The following SYCP1 variants were observed in gnomAD, a reference collection of about 807,000 sequenced individuals.
SYCP1 encodes the protein synaptonemal complex protein 1, also known as cancer/testis antigen 8.
Under a neutral mutation model 153.1 loss-of-function variants are expected in SYCP1, and 64 were observed. The observed-to-expected ratio is 0.42, with a 90% CI of 0.34 to 0.51. The LOEUF (loss-of-function observed/expected upper bound fraction) is 0.51. Ranked by LOEUF, SYCP1 falls within the 20% of genes least tolerant of loss-of-function variation. SYCP1 has a pLI of 0.06. For missense variants in SYCP1, 997 were observed against 1,049.0 expected, an observed-to-expected ratio of 0.95 and a Z score of 0.68; for synonymous variants, 384 against 341.8, an observed-to-expected ratio of 1.12 and a Z score of -1.36.
chr1:114,875,293 C>G (rs1051453615), intron 9 of SYCP1, among the ~76,000 whole-genome samples: 1 of 139,978 alleles, frequency 7.1e-6, no homozygotes, highest in Non-Finnish European at 1.5e-5. Context: ...GACAGTCTGG[C>G]TCTGTCGCCC....
chr1:114,919,359 G>T (rs574603814), intron 20 of SYCP1, among the ~76,000 whole-genome samples: 2 of 152,010 alleles, frequency 1.3e-5, no homozygotes, highest in African/African-American at 2.4e-5. Context: ...AATCTCACTT[G>T]GTTATGATTA....
intron 8 of SYCP1, among the ~76,000 whole-genome samples, chr1:114,872,327 G>A (rs1318162105): frequency 6.6e-6 from 1 of 152,150 alleles, no homozygotes; most frequent in African/African-American, 2.4e-5. Flanking sequence ...ACAGAATTCT[G>A]TGTTGCTGGT....
chr1:114,988,032 T>A (rs1231467836), intron 30 of SYCP1, among the ~76,000 whole-genome samples: 2 of 141,760 alleles, frequency 1.4e-5, no homozygotes, highest in Admixed American at 1.5e-4. Context: ...AAAAAAGAAT[T>A]GGTGAACGTA....
At position 114,855,540 on chromosome 1, in the gene SYCP1, C is replaced by A; in HGVS notation, c.76C>A (p.Gln26Lys). 4 of 1,610,120 alleles carry A rather than the reference C, an allele frequency of 2.5e-6. No homozygotes were observed. Among genetic ancestry groups the A allele is most frequent in the East Asian group, 2.2e-5 (1 of 44,662 alleles). ...CAGTCAGGTGTCTGCGGTGAAACCT[C>A]AGACCCTGGGAGGCGATTCCACTTT... Reference protein sequence around the residue: ...SSSQVSAVKPQTLGGDSTFFK... With the variant: ...SSSQVSAVKPKTLGGDSTFFK... The change falls in exon 2 of 32, where the codon CAG becomes AAG. Residue 26 changes from glutamine (Q) to lysine (K), a missense_variant. By Grantham distance (53) the Gln-to-Lys change is moderately conservative. Around this residue, in one of 2 missense-constraint regions of SYCP1, gnomAD observed 285 missense variants for 366.1 expected, o/e 0.78. Coordinates refer to ENST00000369522, the MANE Select transcript of SYCP1 (RefSeq NM_003176.4).
chr1:114,949,943 A>C (rs1485337892), intron 27 of SYCP1, among the ~76,000 whole-genome samples: 1 of 152,222 alleles, frequency 6.6e-6, no homozygotes, highest in Non-Finnish European at 1.5e-5. Flanking sequence ...ATATAAACAC[A>C]AACATGTGCA....
At chr1:114,862,352 G>GTT (rs67029711) in intron 8 of SYCP1, among the ~76,000 whole-genome samples, 1 of 140,340 alleles carries the variant, frequency 7.1e-6, no homozygotes, top group African/African-American at 2.6e-5. Context: ...TTTGTTCTTT[G>GTT]TTTTTTTTTT....
chr1:114,860,162 A>G (rs1371193629), intron 7 of SYCP1, among the ~76,000 whole-genome samples: 1 of 152,160 alleles, frequency 6.6e-6, no homozygotes, highest in Non-Finnish European at 1.5e-5. Flanking sequence ...ACTTAGTTCC[A>G]AGTTAATTCT....
At chr1:114,901,872 C>T (rs1667470062) in intron 16 of SYCP1, among the ~76,000 whole-genome samples, 1 of 152,216 alleles carries the variant, frequency 6.6e-6, no homozygotes. Context: ...AAGGATGAGA[C>T]AGCTTAGATG....
Position 114,994,792 on chromosome 1 carries a change from C to A in SYCP1, c.2793+5C>A. 6.3e-7 allele frequency: 1 copy of A among 1,583,918 alleles called. No individual in the cohort carries two copies. The highest frequency in any genetic ancestry group is 8.5e-7 in the Non-Finnish European group (1 of 1,170,702). On this transcript the variant is annotated splice_donor_5th_base_variant and intron_variant, in intron 31 of 31. Transcript: ENST00000369522. ...TGTGTCAAAACACCAAAAAAGGTAG[C>A]TTTTAAATTTTATTTCAGAAAGCAA...
chr1:114,941,143 C>CCTCCATATAT (rs972847255), intron 23 of SYCP1, among the ~76,000 whole-genome samples: 1 of 151,796 alleles, frequency 6.6e-6, no homozygotes, highest in Non-Finnish European at 1.5e-5. Flanking sequence ...AGAAGTTGGC[C>CCTCCATATAT]CTCCATATAT....
chr1:114,922,207 G>T (rs1273254730), intron 20 of SYCP1, among the ~76,000 whole-genome samples: 1 of 151,998 alleles, frequency 6.6e-6, no homozygotes, highest in African/African-American at 2.4e-5. Context: ...TTATCCCCTT[G>T]AATCAACTTT....
At chr1:114,856,731 T>C in intron 3 of SYCP1, 74 bp downstream of exon 3, 2 of 1,116,190 alleles carry the variant, frequency 1.8e-6, no homozygotes, top group African/African-American at 1.6e-5. Flanking sequence ...TTATTGAAAA[T>C]GTAACATAAG....
intron 27 of SYCP1, among the ~76,000 whole-genome samples, chr1:114,973,191 G>A (rs897975149): frequency 2.0e-5 from 3 of 152,056 alleles, no homozygotes; most frequent in African/African-American, 7.2e-5. Context: ...AAATTTACCT[G>A]GTGCTCTTAG....
chr1:114,984,895 T>C (rs1429745437), intron 30 of SYCP1, 27 bp downstream of exon 30: 2 of 1,086,272 alleles, frequency 1.8e-6, no homozygotes, highest in Non-Finnish European at 2.4e-6. Context: ...TAATATTTAG[T>C]ATTTATTTAT....
chr1:114,987,650 G>A (rs11800954), intron 30 of SYCP1, among the ~76,000 whole-genome samples: 4,753 of 152,088 alleles, frequency 0.031, 124 homozygotes, highest in Non-Finnish European at 0.042. Flanking sequence ...AGGTGACAGA[G>A]TGAGACCTTG....
chr1:114,905,565 A>G (rs1439566796), intron 16 of SYCP1, among the ~76,000 whole-genome samples: 1 of 152,240 alleles, frequency 6.6e-6, no homozygotes, highest in Admixed American at 6.5e-5. Context: ...AGAAGCCAAC[A>G]TGGTAGATTA....
chr1:114,937,535 A>G (rs1253062678), intron 23 of SYCP1, among the ~76,000 whole-genome samples: 4 of 152,194 alleles, frequency 2.6e-5, no homozygotes, highest in Non-Finnish European at 5.9e-5. Flanking sequence ...AAAAGCCAAA[A>G]TTGACAAATG....
At chr1:114,891,356 T>C (rs1036403383) in intron 15 of SYCP1, among the ~76,000 whole-genome samples, 1 of 152,212 alleles carries the variant, frequency 6.6e-6, no homozygotes, top group African/African-American at 2.4e-5. Context: ...GATAGCCACC[T>C]TTTGCTCATT....
At chr1:114,940,754 G>C (rs1670332081) in intron 23 of SYCP1, among the ~76,000 whole-genome samples, 1 of 151,896 alleles carries the variant, frequency 6.6e-6, no homozygotes, top group Non-Finnish European at 1.5e-5. Flanking sequence ...TATAGTTGTT[G>C]GGTGTTTCCT....
Sources: gnomAD v4.1 joint callset for allele counts (sites outside exome capture counted in the v4.1 genomes callset) on GRCh38, gnomAD v4.1.1 for gene constraint, gnomAD v4.1.1 regional missense constraint, MANE v1.5 for transcripts, NCBI Gene and HGNC (gene_info 2026-07-23, HGNC 2026-07-21) for gene names.